Variants in FGF13 observed in about 807,000 individuals in gnomAD.
The protein encoded by FGF13 is fibroblast growth factor homologous factor 2.
FGF13 carries 2 observed loss-of-function variants against 19.5 expected under a neutral mutation model. The ratio of observed to expected loss-of-function variants is 0.10; its 90% CI spans 0.04 to 0.32. The LOEUF (loss-of-function observed/expected upper bound fraction) is 0.32, where lower values mean the gene tolerates loss of function less well. Among genes scored for constraint, FGF13 ranks in the 10% least tolerant of loss-of-function variants. The pLI, the probability that FGF13 is intolerant of heterozygous loss-of-function variation, is 1.00. For synonymous variants in FGF13, 72 were observed against 76.9 expected (o/e 0.94, Z 0.33); for missense variants, 113 against 192.7 (o/e 0.59, Z 2.45).
Position 138,810,126 on chromosome X carries a change from G to T in FGF13, c.217+47386C>A, listed in dbSNP as rs138681047. Among the ~76,000 whole-genome samples the T allele has an allele frequency of 9.8e-3, 1,095 of 111,765 alleles. 13 individuals carry two copies. The highest frequency in any genetic ancestry group is 0.033 in the African/African-American group (1,029 of 30,747). On this transcript the variant is annotated intron_variant, in intron 3 of 6. Coordinates refer to the FGF13 transcript ENST00000436198. ...TTCATATGGAGACAAAAAAGAGCCT[G>T]CATTGCCAAGACAATCCTAAGCCAA...
At position 138,620,998 on chromosome X, in the gene FGF13, T is replaced by G. The variant is rs1176265463; in HGVS notation, c.*11852A>C. On this transcript the variant is annotated 3_prime_UTR_variant, in exon 5 of 5. Coordinates refer to ENST00000315930, the MANE Select transcript of FGF13 (RefSeq NM_004114.5). ...AATATATAAAGCAGGTATTAATAGA[T>G]ATGAACAGGAAATATAGACTGTAAT... 1 of 111,792 alleles carries G rather than the reference T, an allele frequency of 8.9e-6. No individual in the cohort carries two copies. Among genetic ancestry groups the G allele is most frequent in the Non-Finnish European group, 1.9e-5 (1 of 53,137 alleles). 9.2% of individuals were successfully genotyped at this position (111,792 alleles called of 1,213,427 possible). A position where few individuals can be genotyped will look rare whatever the true frequency, so the allele number is the denominator to read the frequency against.
chrX:138,701,099 C>A (rs757100003), intron 3 of FGF13, among the ~76,000 whole-genome samples: 2 of 112,223 alleles, frequency 1.8e-5, no homozygotes, highest in Non-Finnish European at 3.8e-5. Flanking sequence ...TTCCAAAGTA[C>A]GTTCTTCAAT....
chrX:138,740,355 G>A (rs1178894838), upstream of FGF13, among the ~76,000 whole-genome samples: 1 of 111,871 alleles, frequency 8.9e-6, no homozygotes, highest in Non-Finnish European at 1.9e-5. Flanking sequence ...CCCATATTCA[G>A]TGCTATATGG....
chrX:139,032,616 A>T (rs1019806554), intron 1 of FGF13, among the ~76,000 whole-genome samples: 1 of 111,070 alleles, frequency 9.0e-6, no homozygotes, highest in Admixed American at 9.6e-5. Flanking sequence ...ACAAAGGGCA[A>T]CTTTGCTTAG....
chrX:139,067,907 T>G (rs1463465400), intron 1 of FGF13, among the ~76,000 whole-genome samples: 2 of 106,991 alleles, frequency 1.9e-5, no homozygotes, highest in East Asian at 5.8e-4. Context: ...ATGAGTAGGC[T>G]GTGAAAATTT....
chrX:138,810,261 A>T (rs1417029640), intron 3 of FGF13, among the ~76,000 whole-genome samples: 1 of 111,765 alleles, frequency 8.9e-6, no homozygotes, highest in Non-Finnish European at 1.9e-5. Flanking sequence ...GACCAATGGA[A>T]CAAAACAGAG....
intron 1 of FGF13, among the ~76,000 whole-genome samples, chrX:138,933,007 A>G (rs1200030764): frequency 9.0e-6 from 1 of 111,609 alleles, no homozygotes; most frequent in Non-Finnish European, 1.9e-5. Context: ...AAGTATAACC[A>G]GGAGACTAGC....
At chrX:138,978,456 G>T (rs1207714540) in intron 1 of FGF13, among the ~76,000 whole-genome samples, 1 of 110,098 alleles carries the variant, frequency 9.1e-6, no homozygotes, top group Non-Finnish European at 1.9e-5. Flanking sequence ...TAGAGACGGG[G>T]TTTCACCGTG....
At chrX:139,024,287 A>G (rs746637433) in intron 1 of FGF13, among the ~76,000 whole-genome samples, 1 of 111,564 alleles carries the variant, frequency 9.0e-6, no homozygotes, top group South Asian at 3.7e-4. Flanking sequence ...GCTTGGTAAG[A>G]AAAACTGACA....
intron 3 of FGF13, among the ~76,000 whole-genome samples, chrX:138,788,368 G>A (rs1302979048): frequency 1.8e-5 from 2 of 112,341 alleles, no homozygotes; most frequent in Non-Finnish European, 3.8e-5. Context: ...CTCGTCTCCT[G>A]AACATGCTGG....
intron 3 of FGF13, among the ~76,000 whole-genome samples, chrX:138,667,188 T>A (rs1258682263): frequency 9.3e-6 from 1 of 107,354 alleles, no homozygotes; most frequent in Non-Finnish European, 1.9e-5. Context: ...TGAAGATATA[T>A]ATGTATATTT....
chrX:138,854,323 C>A (rs757584510), downstream of FGF13, among the ~76,000 whole-genome samples: 21 of 111,553 alleles, frequency 1.9e-4, no homozygotes, highest in East Asian at 5.1e-3. Context: ...TAAATAGAAA[C>A]CTGGTATTGG....
At chrX:138,844,276 C>T (rs182309647) in intron 3 of FGF13, among the ~76,000 whole-genome samples, 140 of 111,653 alleles carry the variant, frequency 1.3e-3, no homozygotes, top group African/African-American at 4.4e-3. Context: ...AAAAAATTAC[C>T]GAGCAAGCTT....
At chrX:138,813,608 G>A (rs189353915) in intron 3 of FGF13, among the ~76,000 whole-genome samples, 128 of 111,913 alleles carry the variant, frequency 1.1e-3, no homozygotes, top group Non-Finnish European at 1.1e-3. Flanking sequence ...GTGAAATACC[G>A]TGCTCTGTTA....
intron 1 of FGF13, among the ~76,000 whole-genome samples, chrX:138,960,542 T>G (rs1259028182): frequency 9.0e-6 from 1 of 111,534 alleles, no homozygotes; most frequent in Non-Finnish European, 1.9e-5. Flanking sequence ...TTTCCTGAAT[T>G]TGAATGTTGG....
intron 3 of FGF13, among the ~76,000 whole-genome samples, chrX:138,762,075 G>T (rs1225772200): frequency 9.1e-6 from 1 of 109,808 alleles, no homozygotes; most frequent in Non-Finnish European, 1.9e-5. Flanking sequence ...TGTGACTGAA[G>T]AACTGAAATT....
chrX:138,699,003 T>C (rs2089922184), intron 3 of FGF13, among the ~76,000 whole-genome samples: 1 of 111,607 alleles, frequency 9.0e-6, no homozygotes, highest in South Asian at 3.8e-4. Context: ...CCTACTCCTG[T>C]TTATTAAACT....
At chrX:139,105,924 C>G (rs5976275) in intron 1 of FGF13, among the ~76,000 whole-genome samples, 12 of 111,950 alleles carry the variant, frequency 1.1e-4, no homozygotes, top group African/African-American at 3.9e-4. Flanking sequence ...AGTAAACTTC[C>G]CTCAAGAAAA....
intron 3 of FGF13, among the ~76,000 whole-genome samples, chrX:138,782,598 A>G (rs1404631028): frequency 4.0e-5 from 4 of 100,620 alleles, no homozygotes; most frequent in African/African-American, 1.5e-4. Flanking sequence ...TAGGAATCCA[A>G]CTTACAAGGG....
Sources: allele counts gnomAD v4.1 joint callset (sites outside exome capture counted in the v4.1 genomes callset), GRCh38; gene constraint gnomAD v4.1.1; transcripts MANE v1.5; gene names NCBI Gene and HGNC (gene_info 2026-07-23, HGNC 2026-07-21).